Variants in CRACD observed in about 807,000 individuals in gnomAD.
CRACD encodes the protein capping protein inhibiting regulator of actin dynamics.
In CRACD, 56 loss-of-function variants were observed where a neutral mutation model predicts 106.8. That is an observed-to-expected ratio of 0.52 (90% confidence interval 0.42 to 0.66). The LOEUF is 0.66. Ranked by LOEUF, CRACD falls within the 30% of genes least tolerant of loss-of-function variation. The pLI, the probability that CRACD is intolerant of heterozygous loss-of-function variation, is 0.00. For synonymous variants in CRACD, 754 were observed against 670.8 expected, an observed-to-expected ratio of 1.12 and a Z score of -1.92; for missense variants, 1,730 against 1,623.2, an observed-to-expected ratio of 1.07 and a Z score of -1.13.
At chr4:56,281,090 C>G (rs1743013130) in intron 3 of CRACD, among the ~76,000 whole-genome samples, 1 of 152,112 alleles carries the variant, frequency 6.6e-6, no homozygotes, top group African/African-American at 2.4e-5. Flanking sequence ...CAGGGGTCCC[C>G]AACCCCCAGG....
intron 2 of CRACD, among the ~76,000 whole-genome samples, chr4:56,254,661 G>A (rs1017312669): frequency 6.6e-6 from 1 of 152,064 alleles, no homozygotes. Context: ...TGCTAAACTT[G>A]TCAAGAACTG....
At chr4:56,262,941 G>A (rs2109620413) in intron 2 of CRACD, among the ~76,000 whole-genome samples, 1 of 152,282 alleles carries the variant, frequency 6.6e-6, no homozygotes, top group South Asian at 2.1e-4. Flanking sequence ...AACACAGCTG[G>A]CCCTAAGGGA....
chr4:56,214,652 A>ACTCTCTCTCTCTCTCTCTCTCTCTCT (rs572003455), intron 2 of CRACD, among the ~76,000 whole-genome samples: 1 of 101,848 alleles, frequency 9.8e-6, no homozygotes, highest in African/African-American at 3.4e-5. Context: ...AGAGCTAGAC[A>ACTCTCTCTCTCTCTCTCTCTCTCTCT]CTCTCTCTCT....
chr4:56,243,681 A>C (rs1397852261), intron 2 of CRACD, among the ~76,000 whole-genome samples: 3 of 152,132 alleles, frequency 2.0e-5, no homozygotes, highest in Non-Finnish European at 2.9e-5. Context: ...TTTGGGGTAC[A>C]TAAGATGTTT....
At chr4:56,326,741 C>CTTT (rs559242636) in intron 10 of CRACD, among the ~76,000 whole-genome samples, 3 of 137,880 alleles carry the variant, frequency 2.2e-5, no homozygotes, top group Admixed American at 1.5e-4. Flanking sequence ...GGGACGGTAG[C>CTTT]TTTTTTTTTT....
intron 2 of CRACD, among the ~76,000 whole-genome samples, chr4:56,233,936 G>A (rs1222579588): frequency 6.6e-6 from 1 of 151,912 alleles, no homozygotes; most frequent in South Asian, 2.1e-4. Flanking sequence ...CCCTAAGTAT[G>A]TTCTATTTTA....
chr4:56,312,817 A>G (rs1745243300), intron 6 of CRACD, among the ~76,000 whole-genome samples: 1 of 152,168 alleles, frequency 6.6e-6, no homozygotes, highest in Non-Finnish European at 1.5e-5. Context: ...AAAAGCAACC[A>G]AAGACAATGG....
At chr4:56,068,173 C>T (rs558634896) in intron 1 of CRACD, among the ~76,000 whole-genome samples, 3 of 152,070 alleles carry the variant, frequency 2.0e-5, no homozygotes, top group East Asian at 1.9e-4. Flanking sequence ...TCAGGAACAG[C>T]GTCTCTGAGA....
intron 2 of CRACD, chr4:56,196,546 C>T (rs1437962061): frequency 1.3e-5 from 2 of 152,526 alleles, no homozygotes; most frequent in Non-Finnish European, 2.9e-5. Flanking sequence ...GTACAATAAC[C>T]TCATCTGTCT....
At chr4:56,116,395 G>T (rs961334668) in intron 1 of CRACD, among the ~76,000 whole-genome samples, 2 of 152,170 alleles carry the variant, frequency 1.3e-5, no homozygotes, top group African/African-American at 4.8e-5. Flanking sequence ...ATATTATTCT[G>T]TTCATTTTAC....
chr4:56,129,348 A>G (rs1383364438), intron 1 of CRACD, among the ~76,000 whole-genome samples: 2 of 152,354 alleles, frequency 1.3e-5, no homozygotes, highest in Middle Eastern at 3.4e-3. Context: ...GATTACGGGT[A>G]TGAGCCCCAC....
chr4:56,075,093 T>A (rs1732794688), intron 1 of CRACD, among the ~76,000 whole-genome samples: 1 of 152,194 alleles, frequency 6.6e-6, no homozygotes, highest in Admixed American at 6.5e-5. Context: ...TTTGCCAGTT[T>A]TTTATTGAGG....
At chr4:56,227,160 AG>A (rs1488623930) in intron 2 of CRACD, among the ~76,000 whole-genome samples, 2 of 152,322 alleles carry the variant, frequency 1.3e-5, no homozygotes, top group East Asian at 3.9e-4. Context: ...ACATAATGTG[AG>A]AGATGTACTT....
intron 1 of CRACD, among the ~76,000 whole-genome samples, chr4:56,108,392 A>C (rs531278139): frequency 6.6e-6 from 1 of 152,198 alleles, no homozygotes; most frequent in Non-Finnish European, 1.5e-5. Flanking sequence ...AAAAATTCAA[A>C]TTGGGAGAAT....
intron 1 of CRACD, among the ~76,000 whole-genome samples, chr4:56,084,125 T>C (rs187177980): frequency 2.0e-5 from 3 of 152,314 alleles, no homozygotes; most frequent in African/African-American, 7.2e-5. Flanking sequence ...GCAACATTAT[T>C]GGGACCTCTA....
chr4:56,159,688 A>AC (rs915923882), intron 1 of CRACD, among the ~76,000 whole-genome samples: 5 of 151,844 alleles, frequency 3.3e-5, no homozygotes, highest in Admixed American at 3.3e-4. Flanking sequence ...GTCTCTTCTG[A>AC]CCCCCCTATA....
intron 3 of CRACD, among the ~76,000 whole-genome samples, chr4:56,280,782 T>G (rs1742996215): frequency 6.6e-6 from 1 of 152,184 alleles, no homozygotes; most frequent in Non-Finnish European, 1.5e-5. Context: ...AATCCACAGT[T>G]GGTGCCATGA....
chr4:56,259,733 C>T (rs1741584047), intron 2 of CRACD, among the ~76,000 whole-genome samples: 1 of 152,070 alleles, frequency 6.6e-6, no homozygotes, highest in African/African-American at 2.4e-5. Flanking sequence ...CTGAGACAGT[C>T]ATCCGACCCC....
At chr4:56,118,055 G>A (rs1251431361) in intron 1 of CRACD, among the ~76,000 whole-genome samples, 2 of 152,144 alleles carry the variant, frequency 1.3e-5, no homozygotes, top group Non-Finnish European at 1.5e-5. Flanking sequence ...CACTGCGCCC[G>A]GCTGCTTTAT....
Sources: allele counts gnomAD v4.1 joint callset (sites outside exome capture counted in the v4.1 genomes callset), GRCh38; gene constraint gnomAD v4.1.1; transcripts MANE v1.5; gene names NCBI Gene and HGNC (gene_info 2026-07-23, HGNC 2026-07-21).